The following NKAIN3 variants were observed in gnomAD, a reference collection of about 807,000 sequenced individuals.
NKAIN3 encodes sodium/potassium-transporting ATPase subunit beta-1-interacting protein 3.
NKAIN3 carries 25 observed loss-of-function variants against 30.2 expected under a neutral mutation model. The observed-to-expected ratio is 0.83, with a 90% CI of 0.60 to 1.16. NKAIN3 has a LOEUF of 1.16. Ranked by LOEUF, NKAIN3 falls within the 50% of genes most tolerant of loss-of-function variation. The probability of loss-of-function intolerance (pLI) is 0.00; values close to 1 mark genes in which losing one functional copy is unlikely to be tolerated. For missense variants in NKAIN3, 225 were observed against 254.1 expected (o/e 0.89, Z 0.78); for synonymous variants, 91 against 89.6 (o/e 1.02, Z -0.09).
intron 3 of NKAIN3, among the ~76,000 whole-genome samples, chr8:62,630,259 A>G (rs1811914573): frequency 6.6e-6 from 1 of 152,144 alleles, no homozygotes; most frequent in Non-Finnish European, 1.5e-5. Context: ...GGAGTACTGT[A>G]CATTAGAAAA....
At chr8:62,624,907 C>T (rs944523926) in intron 3 of NKAIN3, among the ~76,000 whole-genome samples, 1 of 151,538 alleles carries the variant, frequency 6.6e-6, no homozygotes, top group Non-Finnish European at 1.5e-5. Flanking sequence ...TCCATAAAAA[C>T]ATTTGTCATT....
intron 5 of NKAIN3, among the ~76,000 whole-genome samples, chr8:62,952,542 A>C (rs1823312837): frequency 6.6e-6 from 1 of 152,186 alleles, no homozygotes; most frequent in Admixed American, 6.6e-5. Flanking sequence ...GACTATTTCG[A>C]CCTTTGAAGA....
chr8:62,827,626 C>T (rs992016124), intron 4 of NKAIN3, among the ~76,000 whole-genome samples: 1 of 152,092 alleles, frequency 6.6e-6, no homozygotes, highest in South Asian at 2.1e-4. Context: ...TTATTATCCT[C>T]AATTCTCTAT....
At chr8:62,894,439 T>A (rs1821376287) in intron 4 of NKAIN3, among the ~76,000 whole-genome samples, 1 of 152,158 alleles carries the variant, frequency 6.6e-6, no homozygotes. Flanking sequence ...ACTTGTTCGG[T>A]CTTTTGTTTG....
At chr8:62,810,638 G>GTGTT (rs1818456534) in intron 4 of NKAIN3, among the ~76,000 whole-genome samples, 1 of 120,188 alleles carries the variant, frequency 8.3e-6, no homozygotes, top group African/African-American at 3.1e-5. Flanking sequence ...TAGGTAGAAA[G>GTGTT]TTTTTTTTTT....
chr8:62,869,174 T>C (rs1463626150), intron 4 of NKAIN3, among the ~76,000 whole-genome samples: 1 of 152,226 alleles, frequency 6.6e-6, no homozygotes, highest in Non-Finnish European at 1.5e-5. Context: ...CTTTAAGTTT[T>C]GGAATACATG....
intron 1 of NKAIN3, among the ~76,000 whole-genome samples, chr8:62,373,903 A>C (rs375829361): frequency 9.9e-5 from 15 of 152,044 alleles, no homozygotes; most frequent in African/African-American, 3.4e-4. Flanking sequence ...TCCTGAGCTC[A>C]GGAGTTTGAA....
At chr8:62,463,977 C>G (rs1274388981) in intron 1 of NKAIN3, among the ~76,000 whole-genome samples, 1 of 150,314 alleles carries the variant, frequency 6.7e-6, no homozygotes, top group African/African-American at 2.4e-5. Flanking sequence ...GAATACTGTA[C>G]CACAGATACA....
chr8:62,275,970 C>T (rs374979778), intron 1 of NKAIN3, among the ~76,000 whole-genome samples: 1 of 151,942 alleles, frequency 6.6e-6, no homozygotes, highest in Admixed American at 6.6e-5. Context: ...TTAATAATAC[C>T]CAAAAGGTTG....
chr8:62,928,406 T>A (rs1822513809), intron 5 of NKAIN3, among the ~76,000 whole-genome samples: 1 of 152,206 alleles, frequency 6.6e-6, no homozygotes, highest in Non-Finnish European at 1.5e-5. Context: ...TCTGAAGACA[T>A]CTTTCTTTGT....
At chr8:62,961,063 T>C (rs1195264042) in intron 6 of NKAIN3, among the ~76,000 whole-genome samples, 1 of 152,086 alleles carries the variant, frequency 6.6e-6, no homozygotes, top group Admixed American at 6.5e-5. Context: ...GCAGATCACT[T>C]GAGGTCAGGA....
At chr8:62,759,498 G>A (rs1816572080) in intron 4 of NKAIN3, among the ~76,000 whole-genome samples, 1 of 151,868 alleles carries the variant, frequency 6.6e-6, no homozygotes, top group Admixed American at 6.6e-5. Flanking sequence ...GGCTTATAAA[G>A]CCTGAGCTAG....
At chr8:62,593,522 A>G (rs560696463) in intron 3 of NKAIN3, among the ~76,000 whole-genome samples, 1 of 152,118 alleles carries the variant, frequency 6.6e-6, no homozygotes, top group African/African-American at 2.4e-5. Context: ...TTAATAAACT[A>G]ACAAGCATGT....
chr8:62,959,958 CGTT>C (rs1390617960), intron 6 of NKAIN3, among the ~76,000 whole-genome samples: 1 of 152,160 alleles, frequency 6.6e-6, no homozygotes, highest in Non-Finnish European at 1.5e-5. Flanking sequence ...ACTCAGGACT[CGTT>C]GCTTTCTCTA....
chr8:62,848,019 T>C (rs557768708), intron 4 of NKAIN3, among the ~76,000 whole-genome samples: 44 of 152,276 alleles, frequency 2.9e-4, no homozygotes, highest in African/African-American at 9.4e-4. Context: ...GGGTTCTCTA[T>C]TGTATTCCAT....
chr8:62,257,324 C>T (rs148771652), intron 1 of NKAIN3, among the ~76,000 whole-genome samples: 86 of 152,302 alleles, frequency 5.6e-4, no homozygotes, highest in African/African-American at 1.9e-3. Context: ...TAACATCCAT[C>T]AGACCTTTTC....
chr8:62,483,263 G>C (rs554408213), intron 1 of NKAIN3: 1 of 152,840 alleles, frequency 6.5e-6, no homozygotes, highest in East Asian at 1.9e-4. Flanking sequence ...CAAGCAAAAG[G>C]CAGGGGATGG....
chr8:62,908,668 A>G (rs978366910), intron 4 of NKAIN3, among the ~76,000 whole-genome samples: 6 of 152,180 alleles, frequency 3.9e-5, no homozygotes, highest in African/African-American at 1.4e-4. Flanking sequence ...GCCTCCCACC[A>G]TGTAAGACAT....
chr8:62,988,937 T>G (rs564334224), downstream of NKAIN3, among the ~76,000 whole-genome samples: 231 of 152,318 alleles, frequency 1.5e-3, 1 homozygote, highest in African/African-American at 5.2e-3. Context: ...CCCCCAGATA[T>G]GCTAAATCAT....
Sources: gnomAD v4.1 joint callset for allele counts (sites outside exome capture counted in the v4.1 genomes callset) on GRCh38, gnomAD v4.1.1 for gene constraint, MANE v1.5 for transcripts, NCBI Gene and HGNC (gene_info 2026-07-23, HGNC 2026-07-21) for gene names.